HDAC9: variants seen among roughly 807,000 people sequenced by gnomAD.
The protein encoded by HDAC9 is MEF-2 interacting transcription repressor (MITR) protein.
A neutral mutation model predicts 139.4 loss-of-function variants in HDAC9; 41 were observed. The ratio of observed to expected loss-of-function variants is 0.29; its 90% CI spans 0.23 to 0.38. The LOEUF is 0.38. Ranked by LOEUF, HDAC9 falls within the 10% of genes least tolerant of loss-of-function variation. The pLI is 1.00. For missense variants in HDAC9, 1,147 were observed against 1,297.0 expected (o/e 0.88, Z 1.78); for synonymous variants, 517 against 476.2 (o/e 1.09, Z -1.12).
At chr7:18,771,504 A>C (rs2129164680) in intron 16 of HDAC9, among the ~76,000 whole-genome samples, 1 of 151,988 alleles carries the variant, frequency 6.6e-6, no homozygotes, top group East Asian at 1.9e-4. Flanking sequence ...ATTAAAATGT[A>C]AGCTCTCCCC....
At chr7:18,877,375 G>C (rs1799397553) in intron 22 of HDAC9, among the ~76,000 whole-genome samples, 1 of 152,146 alleles carries the variant, frequency 6.6e-6, no homozygotes. Flanking sequence ...TCTTGTTCAG[G>C]AAGTCATCCT....
At chr7:18,889,015 G>T (rs556260223) in intron 22 of HDAC9, among the ~76,000 whole-genome samples, 45 of 152,180 alleles carry the variant, frequency 3.0e-4, no homozygotes, top group African/African-American at 9.6e-4. Flanking sequence ...ACTATCTGTG[G>T]CGTATCATTC....
chr7:18,970,090 A>G (rs1165008687), intron 24 of HDAC9, among the ~76,000 whole-genome samples: 1 of 152,190 alleles, frequency 6.6e-6, no homozygotes, highest in African/African-American at 2.4e-5. Context: ...AAATGCTAAA[A>G]ATTTCAAACT....
intron 1 of HDAC9, among the ~76,000 whole-genome samples, chr7:18,399,380 G>A (rs1787334640): frequency 6.6e-6 from 1 of 152,124 alleles, no homozygotes; most frequent in African/African-American, 2.4e-5. Context: ...TTCTGGTACA[G>A]TAACGAAAAA....
intron 1 of HDAC9, among the ~76,000 whole-genome samples, chr7:18,157,093 C>T (rs1037629967): frequency 6.6e-6 from 1 of 152,046 alleles, no homozygotes; most frequent in African/African-American, 2.4e-5. Context: ...CCAGAAAAAC[C>T]CCAAGAATTC....
intron 1 of HDAC9, among the ~76,000 whole-genome samples, chr7:18,094,538 C>T (rs1782378170): frequency 6.6e-6 from 1 of 150,542 alleles, no homozygotes; most frequent in Admixed American, 6.6e-5. Context: ...TCAAGTGATC[C>T]TTCTGTGTCA....
At chr7:18,170,433 A>G (rs1788339255) in intron 2 of HDAC9, among the ~76,000 whole-genome samples, 1 of 152,062 alleles carries the variant, frequency 6.6e-6, no homozygotes. Context: ...GCTGTGCAGA[A>G]GCTCTTCAGT....
chr7:18,552,915 C>T (rs1265515977), intron 2 of HDAC9, among the ~76,000 whole-genome samples: 1 of 152,198 alleles, frequency 6.6e-6, no homozygotes, highest in Non-Finnish European at 1.5e-5. Flanking sequence ...TTAATAAAAA[C>T]TGCTAATATG....
intron 25 of HDAC9, among the ~76,000 whole-genome samples, chr7:18,980,048 T>C (rs10268180): frequency 0.32 from 48,256 of 152,044 alleles, 8,204 homozygotes; most frequent in Non-Finnish European, 0.38. Context: ...TAGCTGAAAA[T>C]TGAGGTGAGA....
intron 24 of HDAC9, among the ~76,000 whole-genome samples, chr7:18,962,841 T>A (rs1783613861): frequency 6.6e-6 from 1 of 152,216 alleles, no homozygotes; most frequent in African/African-American, 2.4e-5. Context: ...TCTTTCCTCA[T>A]TTTGTTCATG....
At chr7:18,316,394 T>C (rs1021523098) in intron 1 of HDAC9, among the ~76,000 whole-genome samples, 3 of 152,178 alleles carry the variant, frequency 2.0e-5, no homozygotes, top group Non-Finnish European at 2.9e-5. Flanking sequence ...TTGAGAAATA[T>C]GGCATTTAGA....
chr7:18,635,686 T>G (rs140110926), intron 8 of HDAC9, among the ~76,000 whole-genome samples: 1 of 152,226 alleles, frequency 6.6e-6, no homozygotes, highest in East Asian at 1.9e-4. Context: ...GCTGGTGCGT[T>G]AACTTCTAAT....
chr7:18,153,944 T>C (rs17417738), intron 1 of HDAC9, among the ~76,000 whole-genome samples: 7,055 of 152,260 alleles, frequency 0.046, 190 homozygotes, highest in Non-Finnish European at 0.059. Flanking sequence ...TAAAATTGTA[T>C]GGACTGCTAG....
At chr7:18,844,311 G>C (rs1050575716) in intron 21 of HDAC9, among the ~76,000 whole-genome samples, 3 of 152,088 alleles carry the variant, frequency 2.0e-5, no homozygotes, top group African/African-American at 7.2e-5. Flanking sequence ...CTTCTAGTGG[G>C]AAAGACTTAC....
chr7:18,589,773 A>G (rs1457065796), intron 3 of HDAC9, among the ~76,000 whole-genome samples: 2 of 152,208 alleles, frequency 1.3e-5, no homozygotes, highest in Non-Finnish European at 2.9e-5. Flanking sequence ...AATATATTCT[A>G]CATATTATGA....
chr7:18,556,064 A>G (rs1285619762), intron 2 of HDAC9, among the ~76,000 whole-genome samples: 2 of 152,014 alleles, frequency 1.3e-5, no homozygotes, highest in Non-Finnish European at 2.9e-5. Context: ...AAAAATAAAT[A>G]TATCATCAAA....
chr7:18,856,993 C>T (rs1035555123), intron 21 of HDAC9, among the ~76,000 whole-genome samples: 2 of 152,076 alleles, frequency 1.3e-5, no homozygotes, highest in African/African-American at 4.8e-5. Context: ...ATATTCTTCT[C>T]CTACCTCTCA....
chr7:18,858,589 C>G (rs1166980617), intron 21 of HDAC9, among the ~76,000 whole-genome samples: 3 of 152,216 alleles, frequency 2.0e-5, no homozygotes, highest in African/African-American at 7.2e-5. Context: ...ACCAAATCAG[C>G]TTATGTTAAC....
chr7:18,900,128 A>C (rs899020536), intron 22 of HDAC9, among the ~76,000 whole-genome samples: 1 of 152,184 alleles, frequency 6.6e-6, no homozygotes, highest in Non-Finnish European at 1.5e-5. Flanking sequence ...GTATGAATAC[A>C]TACAAGAATT....
Sources: allele counts gnomAD v4.1 joint callset (sites outside exome capture counted in the v4.1 genomes callset), GRCh38; gene constraint gnomAD v4.1.1; transcripts MANE v1.5; gene names NCBI Gene and HGNC (gene_info 2026-07-23, HGNC 2026-07-21).